Variants in LRRFIP2 observed in about 807,000 individuals in gnomAD.
The protein encoded by LRRFIP2 is LRR binding FLII interacting protein 2.
A neutral mutation model predicts 125.9 loss-of-function variants in LRRFIP2; 109 were observed. The ratio of observed to expected loss-of-function variants is 0.87; its 90% CI spans 0.74 to 1.01. The LOEUF is 1.01. Ranked by LOEUF, LRRFIP2 falls within the 50% of genes least tolerant of loss-of-function variation. The probability of loss-of-function intolerance (pLI) is 0.00; values close to 1 mark genes in which losing one functional copy is unlikely to be tolerated. For missense variants in LRRFIP2, 850 were observed against 862.3 expected (o/e 0.99, Z 0.18); for synonymous variants, 291 against 293.1 (o/e 0.99, Z 0.07).
At chr3:37,151,346 A>C (rs2096017669) in intron 1 of LRRFIP2, among the ~76,000 whole-genome samples, 1 of 151,986 alleles carries the variant, frequency 6.6e-6, no homozygotes, top group African/African-American at 2.4e-5. Context: ...GCAACAGAGC[A>C]AGACTCCATC....
intron 2 of LRRFIP2, among the ~76,000 whole-genome samples, chr3:37,139,727 TG>T (rs1265174012): frequency 1.3e-5 from 2 of 152,174 alleles, no homozygotes; most frequent in Non-Finnish European, 2.9e-5. Context: ...ATCTCTCTTC[TG>T]GGTCTTTGCT....
chr3:37,095,339 TGTTGA>T (rs1314882801), intron 16 of LRRFIP2, among the ~76,000 whole-genome samples: 1 of 152,216 alleles, frequency 6.6e-6, no homozygotes, highest in East Asian at 1.9e-4. Flanking sequence ...TCTAATACTC[TGTTGA>T]GTTGATAAAG....
rs2148545583 is a variant in LRRFIP2, at chr3:37,052,830, C to G, written c.*1021G>C. The G allele has an allele frequency of 6.6e-6, 1 of 152,212 alleles. No homozygotes were observed. The highest frequency in any genetic ancestry group is 2.1e-4 in the South Asian group (1 of 4,824). The allele number at this position is 152,212 out of a possible 1,614,324, so 9.4% of individuals were successfully genotyped here. A position where few individuals can be genotyped will look rare whatever the true frequency, so the allele number is the denominator to read the frequency against. ...ATAAATTCTGCAAAGTAGTTGCACTCCATGATTTTAAAAAAACCTCTTGGA... is the reference window on the plus strand; with the variant it reads ...ATAAATTCTGCAAAGTAGTTGCACTGCATGATTTTAAAAAAACCTCTTGGA... On this transcript the variant is annotated 3_prime_UTR_variant, in exon 28 of 28. Transcript: ENST00000336686.
intron 23 of LRRFIP2, chr3:37,064,706 A>AGGCCC (rs2089717296): frequency 6.6e-6 from 1 of 152,218 alleles, no homozygotes; most frequent in African/African-American, 2.4e-5. Context: ...GCATTAAAAT[A>AGGCCC]GGCCCCTTCA....
intron 18 of LRRFIP2, among the ~76,000 whole-genome samples, chr3:37,089,937 C>CA (rs1389314352): frequency 6.6e-6 from 1 of 152,194 alleles, no homozygotes; most frequent in Non-Finnish European, 1.5e-5. Flanking sequence ...TATTTACTGA[C>CA]AAACTCATGC....
At chr3:37,166,289 C>T (rs1199291866) in intron 1 of LRRFIP2, among the ~76,000 whole-genome samples, 1 of 152,068 alleles carries the variant, frequency 6.6e-6, no homozygotes, top group Non-Finnish European at 1.5e-5. Context: ...GAGATTGGGC[C>T]ACTGCACTCC....
At chr3:37,089,913 C>T (rs2302505) in intron 18 of LRRFIP2, among the ~76,000 whole-genome samples, 55,203 of 152,056 alleles carry the variant, frequency 0.36, 10,957 homozygotes, top group Non-Finnish European at 0.45. Context: ...CAACTATTTC[C>T]GTAATTCTTC....
At chr3:37,120,116 T>G (rs867929315) in intron 6 of LRRFIP2, among the ~76,000 whole-genome samples, 19 of 150,732 alleles carry the variant, frequency 1.3e-4, no homozygotes, top group African/African-American at 4.1e-4. Flanking sequence ...TTTTTTTTTT[T>G]TTTTTTTTGA....
At chr3:37,099,195 T>C (rs1033915425) in intron 15 of LRRFIP2, among the ~76,000 whole-genome samples, 2 of 152,154 alleles carry the variant, frequency 1.3e-5, no homozygotes, top group Non-Finnish European at 2.9e-5. Flanking sequence ...TACACTAACT[T>C]GGCAAGTTCT....
intron 1 of LRRFIP2, among the ~76,000 whole-genome samples, chr3:37,159,019 T>C (rs1343426953): frequency 2.6e-5 from 4 of 152,212 alleles, no homozygotes; most frequent in Non-Finnish European, 5.9e-5. Context: ...TTTATCCATT[T>C]TTTTCTTTTG....
intron 2 of LRRFIP2, chr3:37,134,631 T>C: frequency 1.7e-6 from 1 of 597,382 alleles, no homozygotes; most frequent in South Asian, 1.4e-5. Flanking sequence ...ACCGAGAGAG[T>C]GAGGAGCCAG....
At chr3:37,173,685 C>T (rs924194886) in intron 1 of LRRFIP2, among the ~76,000 whole-genome samples, 5 of 152,094 alleles carry the variant, frequency 3.3e-5, no homozygotes, top group Non-Finnish European at 5.9e-5. Flanking sequence ...ATCAACATTC[C>T]CAGCACACTG....
At chr3:37,110,953 T>C (rs755523992) in intron 9 of LRRFIP2, 38 bp downstream of exon 9, 1 of 1,581,032 alleles carries the variant, frequency 6.3e-7, no homozygotes, top group Non-Finnish European at 8.7e-7. Flanking sequence ...ATGTTAAAAG[T>C]GAATCAAACA....
intron 6 of LRRFIP2, among the ~76,000 whole-genome samples, chr3:37,119,438 C>T: frequency 6.6e-6 from 1 of 152,018 alleles, no homozygotes. Context: ...GCTGGTTCTA[C>T]CTTTAAGTTA....
In LRRFIP2 at chr3:37,067,712, A is replaced by G. The variant is rs1484973441; in HGVS notation, c.1465-1387T>C. 2.6e-5 allele frequency: 4 copies of G among 152,194 alleles called. No homozygotes were observed. The East Asian group carries it at 7.7e-4, about 29-fold the overall frequency. 9.4% of individuals were successfully genotyped at this position (152,194 alleles called of 1,614,324 possible). On this transcript the variant is annotated intron_variant, in intron 21 of 27. Transcript: ENST00000336686. ...CTATTTTATATAATTTCTCTCTTATACATTATTTTACATTTGAAACCTCTA... is the reference window on the plus strand; with the variant it reads ...CTATTTTATATAATTTCTCTCTTATGCATTATTTTACATTTGAAACCTCTA...
intron 1 of LRRFIP2, among the ~76,000 whole-genome samples, chr3:37,155,522 T>A (rs1037718151): frequency 6.6e-6 from 1 of 152,240 alleles, no homozygotes; most frequent in African/African-American, 2.4e-5. Context: ...TTAAGGTACT[T>A]TGTATTCAAA....
chr3:37,151,533 T>C (rs1367003575), intron 1 of LRRFIP2, among the ~76,000 whole-genome samples: 1 of 152,126 alleles, frequency 6.6e-6, no homozygotes, highest in Non-Finnish European at 1.5e-5. Context: ...AGTGTATACA[T>C]TGCTGGTGGA....
At chr3:37,155,635 T>C (rs1275295833) in intron 1 of LRRFIP2, among the ~76,000 whole-genome samples, 2 of 152,212 alleles carry the variant, frequency 1.3e-5, no homozygotes, top group Admixed American at 6.5e-5. Flanking sequence ...ATAGAGATCA[T>C]TAAATGTTCT....
chr3:37,110,522 C>T (rs550159952), intron 9 of LRRFIP2, among the ~76,000 whole-genome samples: 1 of 151,764 alleles, frequency 6.6e-6, no homozygotes, highest in East Asian at 1.9e-4. Context: ...TAAATAATTA[C>T]ATTCTTCTCA....
Sources: allele counts gnomAD v4.1 joint callset (sites outside exome capture counted in the v4.1 genomes callset), GRCh38; gene constraint gnomAD v4.1.1; transcripts MANE v1.5; gene names NCBI Gene and HGNC (gene_info 2026-07-23, HGNC 2026-07-21).